Variants in CNBD1 observed in about 807,000 individuals in gnomAD.
CNBD1 encodes cyclic nucleotide-binding domain-containing protein 1.
Under a neutral mutation model 54.4 loss-of-function variants are expected in CNBD1, and 71 were observed. That is an observed-to-expected ratio of 1.30 (90% CI 1.08 to 1.59). The LOEUF (loss-of-function observed/expected upper bound fraction) is 1.59, where lower values mean the gene tolerates loss of function less well. Ranked by LOEUF, CNBD1 falls within the 40% of genes most tolerant of loss-of-function variation. CNBD1 has a pLI of 0.00. For synonymous variants in CNBD1, 182 were observed against 170.7 expected (o/e 1.07, Z -0.51); for missense variants, 659 against 518.0 (o/e 1.27, Z -2.64).
intron 4 of CNBD1, among the ~76,000 whole-genome samples, chr8:86,971,968 T>G (rs925715853): frequency 1.3e-5 from 2 of 152,192 alleles, no homozygotes; most frequent in African/African-American, 4.8e-5. Flanking sequence ...ACTTTTTTTT[T>G]TTGAGACAGG....
At chr8:87,327,260 T>A (rs1586016359) in intron 8 of CNBD1, among the ~76,000 whole-genome samples, 1 of 148,730 alleles carries the variant, frequency 6.7e-6, no homozygotes, top group South Asian at 2.1e-4. Context: ...TCTTTTTGTT[T>A]GTCTGTGCCC....
At chr8:87,027,770 G>A (rs7001348) in intron 4 of CNBD1, among the ~76,000 whole-genome samples, 4,614 of 152,250 alleles carry the variant, frequency 0.03, 240 homozygotes, top group African/African-American at 0.1. Context: ...AAAGAATATT[G>A]GGGCCAAACA....
At chr8:86,992,995 A>G (rs1017863316) in intron 4 of CNBD1, among the ~76,000 whole-genome samples, 4 of 151,712 alleles carry the variant, frequency 2.6e-5, no homozygotes, top group Non-Finnish European at 5.9e-5. Context: ...TTGCATGTCA[A>G]CCTCTTTATT....
chr8:87,369,788 C>T (rs1162780044), intron 10 of CNBD1, among the ~76,000 whole-genome samples: 2 of 151,836 alleles, frequency 1.3e-5, no homozygotes, highest in African/African-American at 2.4e-5. Flanking sequence ...CGGTTAGTTA[C>T]ATATGTATAC....
In CNBD1 at chr8:87,419,370, A is replaced by G. The variant is rs115265949; in HGVS notation, c.214-9176A>G. 7.2e-3 allele frequency among the ~76,000 whole-genome samples: 1,092 copies of G among 152,048 alleles called. 12 individuals carry two copies. Among genetic ancestry groups the G allele is most frequent in the African/African-American group, 0.025 (1,030 of 41,540 alleles). On this transcript the variant is annotated intron_variant, in intron 2 of 7. Coordinates refer to the CNBD1 transcript ENST00000521593. ...TTCAGTATGAAAATGGTCTGGAATT[A>G]GATATGGTTCCACAGTTGTATGAAT... is the stretch of plus-strand genomic sequence containing the variant.
chr8:87,035,950 G>A (rs544564791), intron 4 of CNBD1, among the ~76,000 whole-genome samples: 11 of 152,240 alleles, frequency 7.2e-5, no homozygotes, highest in African/African-American at 2.4e-4. Context: ...GCCTTTTAAG[G>A]AAGATGCTGG....
At chr8:86,906,544 A>T (rs1004160748) in intron 3 of CNBD1, among the ~76,000 whole-genome samples, 1 of 152,158 alleles carries the variant, frequency 6.6e-6, no homozygotes, top group Non-Finnish European at 1.5e-5. Context: ...AGTTAACATC[A>T]CTCTAAAAAT....
chr8:87,047,791 G>A (rs143632544), intron 4 of CNBD1, among the ~76,000 whole-genome samples: 112 of 152,266 alleles, frequency 7.4e-4, no homozygotes, highest in African/African-American at 2.6e-3. Flanking sequence ...TGGTCCCATG[G>A]ATAATCAAAG....
chr8:87,329,055 T>TA (rs1201360663), intron 8 of CNBD1, among the ~76,000 whole-genome samples: 1 of 151,948 alleles, frequency 6.6e-6, no homozygotes, highest in Non-Finnish European at 1.5e-5. Flanking sequence ...TATTTTTTTT[T>TA]ATTTTAAATT....
chr8:87,263,191 CT>C (rs1317791674), intron 6 of CNBD1, among the ~76,000 whole-genome samples: 3 of 152,090 alleles, frequency 2.0e-5, no homozygotes, highest in African/African-American at 7.2e-5. Flanking sequence ...TTTATATTTA[CT>C]TTAGTGTCCT....
chr8:87,374,475 GATTTTC>G (rs1437975327), intron 10 of CNBD1, among the ~76,000 whole-genome samples: 4 of 151,764 alleles, frequency 2.6e-5, no homozygotes, highest in Admixed American at 6.6e-5. Flanking sequence ...TATTACTGAG[GATTTTC>G]ATTTTCATTG....
intron 6 of CNBD1, among the ~76,000 whole-genome samples, chr8:87,270,284 C>T (rs761903006): frequency 2.0e-5 from 3 of 151,762 alleles, no homozygotes; most frequent in Non-Finnish European, 4.4e-5. Flanking sequence ...CAAACAACCT[C>T]ATTAAAAAGT....
chr8:87,073,943 C>G (rs1810811371), intron 4 of CNBD1, among the ~76,000 whole-genome samples: 1 of 151,796 alleles, frequency 6.6e-6, no homozygotes, highest in Non-Finnish European at 1.5e-5. Context: ...CTACTAAAAA[C>G]ACAAAAAAAT....
At chr8:87,283,648 T>C (rs1808638319) in intron 6 of CNBD1, among the ~76,000 whole-genome samples, 1 of 152,252 alleles carries the variant, frequency 6.6e-6, no homozygotes, top group Non-Finnish European at 1.5e-5. Flanking sequence ...CATGGCTAGA[T>C]AGCCAGCTTC....
intron 1 of CNBD1, among the ~76,000 whole-genome samples, chr8:86,874,454 T>A (rs542398531): frequency 6.6e-6 from 1 of 152,288 alleles, no homozygotes; most frequent in African/African-American, 2.4e-5. Context: ...CTTGATGATA[T>A]TCACTTTAAT....
chr8:87,339,787 G>A lies in CNBD1; in HGVS notation c.1043-11898G>A, dbSNP rs150160849. Among the ~76,000 whole-genome samples, 588 of 152,018 alleles carry A rather than the reference G, an allele frequency of 3.9e-3. 3 individuals are homozygous for A. Among genetic ancestry groups the A allele is most frequent in the Non-Finnish European group, 5.8e-3 (391 of 67,978 alleles). Reference sequence around the variant, plus strand: ...CAATTTAAGTGCAATTACATACAATGAGTCTACACTTTTACTCTTCTCCCT... The same window carrying A: ...CAATTTAAGTGCAATTACATACAATAAGTCTACACTTTTACTCTTCTCCCT... On this transcript the variant is annotated intron_variant, in intron 8 of 10. Transcript: ENST00000518476.
intron 6 of CNBD1, among the ~76,000 whole-genome samples, chr8:87,252,972 G>A (rs1283052889): frequency 6.6e-6 from 1 of 152,078 alleles, no homozygotes; most frequent in Non-Finnish European, 1.5e-5. Flanking sequence ...TTTAAACAAT[G>A]ATTTAGAAAT....
chr8:87,314,889 G>T (rs1204984762), intron 8 of CNBD1, among the ~76,000 whole-genome samples: 1 of 152,008 alleles, frequency 6.6e-6, no homozygotes, highest in East Asian at 1.9e-4. Flanking sequence ...AGACAGTTCA[G>T]ACAGAACTTG....
At chr8:86,963,784 A>G (rs1306298198) in intron 4 of CNBD1, among the ~76,000 whole-genome samples, 1 of 152,140 alleles carries the variant, frequency 6.6e-6, no homozygotes, top group African/African-American at 2.4e-5. Flanking sequence ...GATCCCTAGA[A>G]TCACCCTAGC....
Sources: gnomAD v4.1 joint callset for allele counts (sites outside exome capture counted in the v4.1 genomes callset) on GRCh38, gnomAD v4.1.1 for gene constraint, MANE v1.5 for transcripts, NCBI Gene and HGNC (gene_info 2026-07-23, HGNC 2026-07-21) for gene names.